Variants in TCHP observed in about 807,000 individuals in gnomAD.
TCHP encodes trichoplein keratin filament binding, also known as trichoplein keratin filament-binding protein.
A neutral mutation model predicts 88.7 loss-of-function variants in TCHP; 81 were observed. The observed-to-expected ratio is 0.91, with a 90% CI of 0.76 to 1.10. The LOEUF (loss-of-function observed/expected upper bound fraction) is 1.10. TCHP is among the 50% of genes least tolerant of loss of function. The pLI is 0.00. For synonymous variants in TCHP, 232 were observed against 232.5 expected, an observed-to-expected ratio of 1.00 and a Z score of 0.02; for missense variants, 641 against 632.1, an observed-to-expected ratio of 1.01 and a Z score of -0.15.
chr12:109,916,490 C>A, intron 12 of TCHP, 101 bp from the exon 13 acceptor site: 1 of 1,219,558 alleles, frequency 8.2e-7, no homozygotes, highest in Admixed American at 2.5e-5. Context: ...ATGAAACAGC[C>A]ATTTATATTG....
chr12:109,915,263 C>T (rs1026958751), intron 11 of TCHP, 140 bp from the exon 12 acceptor site: 7 of 1,155,224 alleles, frequency 6.1e-6, no homozygotes, highest in Admixed American at 3.6e-5. Flanking sequence ...TGCTCCCTTC[C>T]GTTCCTTGGC....
At chr12:109,914,995 A>G (rs893342707) in intron 11 of TCHP, 5 of 395,518 alleles carry the variant, frequency 1.3e-5, no homozygotes, top group Non-Finnish European at 2.3e-5. Flanking sequence ...CGCCACGCAT[A>G]TGTATAGCCT....
In TCHP at chr12:109,908,659, G is replaced by T; in HGVS notation, c.773G>T (p.Arg258Leu). The change falls in exon 7 of 13, where the codon CGA (arginine) becomes CTA (leucine). Residue 258 changes from arginine (R) to leucine (L), a missense_variant. Physicochemically the swap from Arg to Leu is moderately radical, Grantham distance 102. Transcript: ENST00000405876. ...RWELERLEEE[R>L]KQMEAFRQKA... ...GAGCTAGAGAGGCTGGAGGAAGAGC[G>T]AAAGCAGATGGAAGCCTTCCGGCAG... 1 of 1,600,150 alleles carries T rather than the reference G, an allele frequency of 6.2e-7. No individual in the cohort carries two copies. Among genetic ancestry groups the T allele is most frequent in the South Asian group, 1.1e-5 (1 of 88,080 alleles).
At chr12:109,891,116 A>C in the TCHP span, among the ~76,000 whole-genome samples, 26 of 152,254 alleles carry the variant, frequency 1.7e-4, no homozygotes, top group Non-Finnish European at 3.4e-4. Context: ...AAAACAAATC[A>C]CATTGGAATT....
In TCHP at chr12:109,903,151, G is replaced by A. The variant is rs1025715799; in HGVS notation, c.125G>A (p.Arg42Lys). 1.9e-6 allele frequency: 3 copies of A among 1,614,034 alleles called. No individual in the cohort carries two copies. Among genetic ancestry groups the A allele is most frequent in the Admixed American group, 1.7e-5 (1 of 60,012 alleles). The change falls in exon 2 of 13, where the codon AGG becomes AAG. Residue 42 changes from arginine (R) to lysine (K), a missense_variant. By Grantham distance (26) the Arg-to-Lys change is conservative (BLOSUM62 2). Coordinates refer to ENST00000405876, the MANE Select transcript of TCHP (RefSeq NM_001143852.2). The surrounding 1 kb of genome is among the most constrained non-coding windows in gnomAD (Gnocchi z 4.6). Reference protein sequence around the residue: ...QQWEQNSRYFRMSDICSSKQA... With the variant: ...QQWEQNSRYFKMSDICSSKQA... ...TGGGAGCAGAACAGCCGTTACTTCA[G>A]GATGTCTGACATCTGCAGCTCCAAA...
At chr12:109,906,313 G>A (rs945700230) in intron 4 of TCHP, among the ~76,000 whole-genome samples, 1 of 152,156 alleles carries the variant, frequency 6.6e-6, no homozygotes, top group African/African-American at 2.4e-5. Flanking sequence ...CTAGTGGGAG[G>A]GAAGTCTCTG....
At position 109,916,745 on chromosome 12, in the gene TCHP, G is replaced by A; in HGVS notation, c.*122G>A. ...CGGGGCACTGTCAGATGGCTCAGCA[G>A]TGCCTGCTCAGGTTCATCATTGAAA... is the stretch of plus-strand genomic sequence containing the variant. On this transcript the variant is annotated 3_prime_UTR_variant, in exon 13 of 13. Transcript: ENST00000405876. 1 of 869,044 alleles carries A rather than the reference G, an allele frequency of 1.2e-6. No individual in the cohort carries two copies. The highest frequency in any genetic ancestry group is 2.5e-5 in the East Asian group (1 of 39,506). The allele number at this position is 869,044 out of a possible 1,614,324, so 53.8% of individuals were successfully genotyped here.
chr12:109,904,815 T>A (rs1870033294), intron 4 of TCHP, 22 bp downstream of exon 4: 1 of 1,602,812 alleles, frequency 6.2e-7, no homozygotes, highest in South Asian at 1.1e-5. Flanking sequence ...AGATCTCCAT[T>A]GATTTATCTA....
At chr12:109,900,894 C>T (rs1869749978) in intron 1 of TCHP, 1 of 152,290 alleles carries the variant, frequency 6.6e-6, no homozygotes, top group Admixed American at 6.5e-5. Flanking sequence ...GCCGGCGTTC[C>T]TACCCAGGCA....
chr12:109,904,086 A>C lies in TCHP; in HGVS notation c.338A>C (p.Glu113Ala). The C allele has an allele frequency of 1.9e-6, 3 of 1,598,798 alleles. No homozygotes were observed. The highest frequency in any genetic ancestry group is 2.7e-5 in the African/African-American group (2 of 74,648). Residue 113 changes from glutamate (E) to alanine (A), a missense_variant, in exon 3 of 13, where the codon GAA becomes GCA. Coordinates refer to ENST00000405876, the MANE Select transcript of TCHP (RefSeq NM_001143852.2). ...EELRLSMNLQ[E>A]RRIREQHGKL... ...CTGAGGCTGAGCATGAACTTGCAGG[A>C]AAGAAGAATCCGGGAGCAGCACGGG... is the stretch of plus-strand genomic sequence containing the variant.
At chr12:109,892,685 C>T in the TCHP span, among the ~76,000 whole-genome samples, 2 of 152,270 alleles carry the variant, frequency 1.3e-5, no homozygotes, top group East Asian at 3.9e-4. Flanking sequence ...GTGCCCCATA[C>T]CTGACACCCC....
chr12:109,916,787 C>T lies in TCHP; in HGVS notation c.*164C>T. The T allele has an allele frequency of 5.9e-6, 4 of 676,120 alleles. No individual in the cohort carries two copies. Among genetic ancestry groups the T allele is most frequent in the South Asian group, 3.8e-5 (2 of 52,632 alleles). 41.9% of individuals were successfully genotyped at this position (676,120 alleles called of 1,614,324 possible). On this transcript the variant is annotated 3_prime_UTR_variant, in exon 13 of 13. Coordinates refer to ENST00000405876, the MANE Select transcript of TCHP (RefSeq NM_001143852.2). ...TCATTGAAACATCCCAGTGTTTGGC[C>T]AGACATTAAGGTGTCGTGAGAGTCC...
chr12:109,902,426 G>A (rs1869854701), intron 1 of TCHP, among the ~76,000 whole-genome samples: 1 of 152,062 alleles, frequency 6.6e-6, no homozygotes, highest in African/African-American at 2.4e-5. Flanking sequence ...CACCCAAAGT[G>A]TTGGGATTAC....
chr12:109,917,723 A>G lies in TCHP; in HGVS notation c.*1100A>G, dbSNP rs746407393. On this transcript the variant is annotated 3_prime_UTR_variant, in exon 13 of 13. Coordinates refer to ENST00000405876, the MANE Select transcript of TCHP (RefSeq NM_001143852.2). ...TTCCTTGCAGCAATAATATTATTTTATGACTTGTATTTTTACTATACCCTT... is the reference window on the plus strand; with the variant it reads ...TTCCTTGCAGCAATAATATTATTTTGTGACTTGTATTTTTACTATACCCTT... The G allele has an allele frequency of 3.9e-5, 6 of 152,602 alleles. No homozygotes were observed. Among genetic ancestry groups the G allele is most frequent in the African/African-American group, 1.4e-4 (6 of 41,436 alleles). 9.5% of individuals were successfully genotyped at this position (152,602 alleles called of 1,614,324 possible). A position where few individuals can be genotyped will look rare whatever the true frequency, so the allele number is the denominator to read the frequency against.
At chr12:109,901,615 G>A (rs1869801210) in intron 1 of TCHP, among the ~76,000 whole-genome samples, 1 of 152,184 alleles carries the variant, frequency 6.6e-6, no homozygotes, top group Non-Finnish European at 1.5e-5. Context: ...TTGGTGTCGG[G>A]CAGAGCACCC....
rs764138357 is a variant in TCHP, at chr12:109,903,984, G to T, written c.236G>T (p.Ser79Ile). Residue 79 changes from serine to isoleucine, a missense_variant, in exon 3 of 13, where the codon AGT (serine) becomes ATT (isoleucine). By Grantham distance (142) the Ser-to-Ile change is moderately radical. Transcript: ENST00000405876. The surrounding 1 kb of genome is among the most constrained non-coding windows in gnomAD (Gnocchi z 4.6). The part of the protein sequence containing the change: ...REKMKEEKRR[S>I]LEARREKLRQ... ...AAGATGAAGGAGGAGAAGAGGAGGA[G>T]TCTGGAGGCCCGACGGGAAAAGCTC... 77 of 1,611,338 alleles carry T rather than the reference G, an allele frequency of 4.8e-5. No homozygotes were observed. The highest frequency in any genetic ancestry group is 6.5e-5 in the Non-Finnish European group (77 of 1,179,066).
chr12:109,905,141 C>T lies in TCHP; in HGVS notation c.456+348C>T, dbSNP rs1265339918. On this transcript the variant is annotated intron_variant, in intron 4 of 12. Transcript: ENST00000405876. The surrounding 1 kb of genome is among the most constrained non-coding windows in gnomAD (Gnocchi z 4.0). ...GATGAGCATGGGCCAGCGCACTCAA[C>T]TCTGGAGGGGTTGGGGAGGCTTCCC... is the stretch of plus-strand genomic sequence containing the variant. The T allele has an allele frequency of 3.6e-6, 1 of 279,980 alleles. No homozygotes were observed. Among genetic ancestry groups the T allele is most frequent in the Non-Finnish European group, 6.8e-6 (1 of 146,504 alleles). 17.3% of individuals were successfully genotyped at this position (279,980 alleles called of 1,614,324 possible). A position where few individuals can be genotyped will look rare whatever the true frequency, so the allele number is the denominator to read the frequency against.
Position 109,903,999 on chromosome 12 carries a change from G to C in TCHP, c.251G>C (p.Arg84Pro). 2 of 1,611,260 alleles carry C rather than the reference G, an allele frequency of 1.2e-6. No homozygotes were observed. Among genetic ancestry groups the C allele is most frequent in the Middle Eastern group, 1.7e-4 (1 of 6,028 alleles). The stretch of plus-strand genomic sequence containing the variant: ...AAGAGGAGGAGTCTGGAGGCCCGAC[G>C]GGAAAAGCTCAGGCAGCTCATGCAG... The part of the protein sequence containing the change: ...EEKRRSLEAR[R>P]EKLRQLMQEE... The change falls in exon 3 of 13, where the codon CGG (arginine) becomes CCG (proline). Residue 84 changes from arginine (R) to proline (P), a missense_variant. Arg to Pro is a moderately radical substitution (Grantham distance 103). Coordinates refer to ENST00000405876, the MANE Select transcript of TCHP (RefSeq NM_001143852.2). This position sits in a 1 kb window ranked among gnomAD's most constrained non-coding sequence, Gnocchi z 4.6.
intron 8 of TCHP, among the ~76,000 whole-genome samples, chr12:109,910,522 T>C (rs1323833037): frequency 6.6e-6 from 1 of 152,208 alleles, no homozygotes; most frequent in Non-Finnish European, 1.5e-5. Context: ...GGTCTTGAAC[T>C]CCTAGGCCCA....
Sources: allele counts gnomAD v4.1 joint callset (sites outside exome capture counted in the v4.1 genomes callset), GRCh38; gene constraint gnomAD v4.1.1; non-coding constraint Gnocchi (gnomAD v3.1); transcripts MANE v1.5; gene names NCBI Gene and HGNC (gene_info 2026-07-23, HGNC 2026-07-21).